CABIN1: variants seen among roughly 807,000 people sequenced by gnomAD.
CABIN1 encodes calcineurin-binding protein cabin-1.
In CABIN1, 133 loss-of-function variants were observed where a neutral mutation model predicts 227.7. The ratio of observed to expected loss-of-function variants is 0.58; its 90% CI spans 0.51 to 0.67. The LOEUF (loss-of-function observed/expected upper bound fraction) is 0.67. CABIN1 is among the 30% of genes least tolerant of loss of function. The pLI is 0.00. For missense variants in CABIN1, 2,408 were observed against 2,852.5 expected (o/e 0.84, Z 3.55); for synonymous variants, 1,086 against 1,155.1 (o/e 0.94, Z 1.21).
At chr22:24,053,036 T>C (rs1043813354) in intron 8 of CABIN1, among the ~76,000 whole-genome samples, 1 of 151,886 alleles carries the variant, frequency 6.6e-6, no homozygotes, top group African/African-American at 2.4e-5. Context: ...ATTTAGATTC[T>C]GGAATTTGAA....
At chr22:24,134,105 G>T (rs573118569) in intron 28 of CABIN1, among the ~76,000 whole-genome samples, 197 bp from the exon 29 acceptor site, 1 of 152,326 alleles carries the variant, frequency 6.6e-6, no homozygotes, top group South Asian at 2.1e-4. Flanking sequence ...CCAGAGATCA[G>T]TTCTGAAAAT....
intron 22 of CABIN1, among the ~76,000 whole-genome samples, chr22:24,087,049 G>C (rs536371297): frequency 2.0e-5 from 3 of 152,180 alleles, no homozygotes; most frequent in Non-Finnish European, 4.4e-5. Flanking sequence ...CTGGACTGCT[G>C]CTGCCTTGCC....
rs149884874 is a variant in CABIN1 at position 24,063,620 on chromosome 22, A to G, written c.1885-415A>G. On this transcript the variant is annotated intron_variant, in intron 14 of 36. Transcript: ENST00000263119. ...GATTGGCTGTTACCTAGCACCTTGC[A>G]CATGGTGGTACTGGTACACTGTGGT... 2.6e-3 allele frequency among the ~76,000 whole-genome samples: 394 copies of G among 152,354 alleles called. 6 individuals are homozygous for G. In the South Asian group the frequency reaches 0.035, roughly 14 times the overall value.
intron 28 of CABIN1, among the ~76,000 whole-genome samples, chr22:24,132,733 G>A (rs997179582): frequency 2.6e-5 from 4 of 152,176 alleles, no homozygotes; most frequent in East Asian, 3.9e-4. Flanking sequence ...GATTAGAGGC[G>A]TGTGCCACCA....
intron 1 of CABIN1, among the ~76,000 whole-genome samples, chr22:24,013,281 C>T (rs2034977021): frequency 7.0e-6 from 1 of 143,740 alleles, no homozygotes; most frequent in Non-Finnish European, 1.5e-5. Context: ...ACTGCAAGCT[C>T]CGCCGCCTGG....
At chr22:24,013,987 C>T (rs2035044267) in intron 1 of CABIN1, among the ~76,000 whole-genome samples, 1 of 152,210 alleles carries the variant, frequency 6.6e-6, no homozygotes, top group Non-Finnish European at 1.5e-5. Context: ...TGTCTTATTA[C>T]TGGTGATATT....
rs187498076 is a variant in CABIN1, at chr22:24,128,185, A to C, written c.4633-6117A>C. ...CTTCTGCCTACTTTCTTTACACACAAACAGACACACACTCACAGAAATGTA... is the reference window on the plus strand; with the variant it reads ...CTTCTGCCTACTTTCTTTACACACACACAGACACACACTCACAGAAATGTA... On this transcript the variant is annotated intron_variant, in intron 28 of 36. Coordinates refer to ENST00000263119, the MANE Select transcript of CABIN1 (RefSeq NM_012295.4). 9.0e-4 allele frequency among the ~76,000 whole-genome samples: 136 copies of C among 151,672 alleles called. 1 individual carries two copies. Among genetic ancestry groups the C allele is most frequent in the Middle Eastern group, 3.4e-3 (1 of 294 alleles).
At chr22:24,125,934 C>CGT (rs2043696184) in intron 28 of CABIN1, among the ~76,000 whole-genome samples, 1 of 152,234 alleles carries the variant, frequency 6.6e-6, no homozygotes, top group Non-Finnish European at 1.5e-5. Context: ...TGCCCCCATA[C>CGT]TGGCTGCTGC....
chr22:24,026,238 T>G (rs990208071), intron 1 of CABIN1, among the ~76,000 whole-genome samples: 3 of 152,300 alleles, frequency 2.0e-5, no homozygotes, highest in African/African-American at 7.2e-5. Context: ...CCTCCCAAAG[T>G]ACTGGGATTA....
chr22:24,022,435 T>A (rs1249179699), intron 1 of CABIN1, among the ~76,000 whole-genome samples: 1 of 152,256 alleles, frequency 6.6e-6, no homozygotes, highest in Non-Finnish European at 1.5e-5. Context: ...TTGTTTCATA[T>A]ATCAATTGTT....
At chr22:24,094,266 GT>G (rs2041739683) in intron 24 of CABIN1, among the ~76,000 whole-genome samples, 1 of 152,148 alleles carries the variant, frequency 6.6e-6, no homozygotes, top group African/African-American at 2.4e-5. Flanking sequence ...TTTCCTCCAT[GT>G]TTTTTTCTTC....
At chr22:24,071,147 A>C in intron 17 of CABIN1, 105 bp downstream of exon 17, 5 of 1,474,190 alleles carry the variant, frequency 3.4e-6, no homozygotes, top group Non-Finnish European at 4.7e-6. Context: ...TAGGCACCCA[A>C]AGGGGACATG....
intron 35 of CABIN1, 33 bp downstream of exon 35, chr22:24,176,308 C>T (rs1198966441): frequency 1.3e-6 from 2 of 1,574,280 alleles, no homozygotes; most frequent in Non-Finnish European, 1.7e-6. Context: ...CAGCACCAGC[C>T]CCCAGGAGGC....
At position 24,087,500 on chromosome 22, in the gene CABIN1, G is replaced by A. The variant is rs745462690; in HGVS notation, c.3312G>A (p.Gln1104=). 1.2e-6 allele frequency: 2 copies of A among 1,614,144 alleles called. No homozygotes were observed. The highest frequency in any genetic ancestry group is 2.2e-5 in the South Asian group (2 of 91,084). The change falls in exon 23 of 37, where the codon CAG becomes CAA. Residue 1104 remains glutamine, a synonymous_variant. Transcript: ENST00000263119. ...CTCTGGCCCGGGCCAGCCGCATTCA[G>A]GACAAGCTGAACTCCAATGAGCTGA... ...GMALARASRI[Q]DKLNSNELKS...
intron 31 of CABIN1, 134 bp from the exon 32 acceptor site, chr22:24,166,505 G>T: frequency 1.8e-6 from 2 of 1,097,038 alleles, no homozygotes; most frequent in South Asian, 2.6e-5. Flanking sequence ...CACAGCCCTG[G>T]CCAGCTGGCA....
intron 1 of CABIN1, among the ~76,000 whole-genome samples, chr22:24,020,167 C>A (rs1406622112): frequency 1.3e-5 from 2 of 152,088 alleles, no homozygotes; most frequent in Non-Finnish European, 2.9e-5. Context: ...TAAAGTATCT[C>A]AATTTCTGTA....
Position 24,019,864 on chromosome 22 carries a change from T to A in CABIN1, c.-75+8497T>A, listed in dbSNP as rs1030457500. Among the ~76,000 whole-genome samples, 7 of 150,858 alleles carry A rather than the reference T, an allele frequency of 4.6e-5. 1 individual carries two copies. Among genetic ancestry groups the A allele is most frequent in the African/African-American group, 1.7e-4 (7 of 40,998 alleles). ...TAGAGACGGGGTTTCTCCATGTTGGTCAGGCTGGTCTTGAACTCCCGACCT... is the reference window on the plus strand; with the variant it reads ...TAGAGACGGGGTTTCTCCATGTTGGACAGGCTGGTCTTGAACTCCCGACCT... On this transcript the variant is annotated intron_variant, in intron 1 of 36. Transcript: ENST00000263119.
intron 29 of CABIN1, among the ~76,000 whole-genome samples, chr22:24,157,959 A>G (rs1472039227): frequency 6.6e-6 from 1 of 152,112 alleles, no homozygotes; most frequent in African/African-American, 2.4e-5. Flanking sequence ...CCTCAGCTCA[A>G]TGCAGTCTGC....
intron 1 of CABIN1, among the ~76,000 whole-genome samples, chr22:24,023,853 C>A (rs772523758): frequency 1.4e-4 from 21 of 151,878 alleles, no homozygotes; most frequent in Admixed American, 2.6e-4. Context: ...CATGCCTCAG[C>A]CTTCTGAGTA....
Sources: gnomAD v4.1 joint callset for allele counts (sites outside exome capture counted in the v4.1 genomes callset) on GRCh38, gnomAD v4.1.1 for gene constraint, MANE v1.5 for transcripts, NCBI Gene and HGNC (gene_info 2026-07-23, HGNC 2026-07-21) for gene names.